Variants in KALRN observed in about 807,000 individuals in gnomAD.
The protein encoded by KALRN is kalirin.
Under a neutral mutation model 353.7 loss-of-function variants are expected in KALRN, and 70 were observed. The observed-to-expected ratio is 0.20, with a 90% CI of 0.16 to 0.24. The LOEUF is 0.24. KALRN is among the 10% of genes least tolerant of loss of function. KALRN has a pLI of 1.00. For missense variants in KALRN, 2,791 were observed against 3,756.7 expected (o/e 0.74, Z 6.72); for synonymous variants, 1,391 against 1,434.8 (o/e 0.97, Z 0.69).
At chr3:124,583,431 C>T (rs2074818270) in intron 34 of KALRN, among the ~76,000 whole-genome samples, 1 of 151,942 alleles carries the variant, frequency 6.6e-6, no homozygotes, top group African/African-American at 2.4e-5. Flanking sequence ...GCAAGCTTGG[C>T]CTTGAAACAT....
rs574076959 is a variant in KALRN at position 124,293,958 on chromosome 3, A to T, written c.970-4833A>T. 2.6e-5 allele frequency among the ~76,000 whole-genome samples: 4 copies of T among 152,246 alleles called. 1 individual carries two copies. In the South Asian group the frequency reaches 8.3e-4, roughly 32 times the overall value. On this transcript the variant is annotated intron_variant, in intron 5 of 59. Transcript: ENST00000682506. ...CATTCATTCATTCATTCATTCAGTGAGTATTGAGAGAACTAGAGCTATTTG... is the reference window on the plus strand; with the variant it reads ...CATTCATTCATTCATTCATTCAGTGTGTATTGAGAGAACTAGAGCTATTTG...
chr3:124,522,299 A>G (rs2067230054), intron 33 of KALRN, among the ~76,000 whole-genome samples: 1 of 151,952 alleles, frequency 6.6e-6, no homozygotes, highest in Admixed American at 6.6e-5. Flanking sequence ...ATATGTACAT[A>G]TACACATACA....
chr3:124,596,043 A>G (rs1044704351), intron 34 of KALRN, among the ~76,000 whole-genome samples: 5 of 152,240 alleles, frequency 3.3e-5, no homozygotes, highest in Non-Finnish European at 7.3e-5. Flanking sequence ...GAATGATTCT[A>G]CAAATAGAAT....
intron 34 of KALRN, among the ~76,000 whole-genome samples, chr3:124,607,464 G>A (rs970661921): frequency 6.6e-6 from 1 of 152,134 alleles, no homozygotes; most frequent in East Asian, 1.9e-4. Context: ...GGGGAGAGAT[G>A]AACTTTTTAC....
chr3:124,693,321 G>A (rs989837163), intron 51 of KALRN, among the ~76,000 whole-genome samples: 4 of 152,158 alleles, frequency 2.6e-5, no homozygotes, highest in Admixed American at 1.3e-4. Context: ...GGTAAAGGGA[G>A]GACATTTGGA....
chr3:124,700,057 C>A (rs775888802), intron 56 of KALRN, 24 bp downstream of exon 56: 7 of 1,611,436 alleles, frequency 4.3e-6, no homozygotes, highest in Non-Finnish European at 5.9e-6. Flanking sequence ...CAGCCCTGGC[C>A]CCCCAGGCAG....
chr3:124,286,983 T>A (rs2075973700), intron 5 of KALRN, among the ~76,000 whole-genome samples: 1 of 152,214 alleles, frequency 6.6e-6, no homozygotes, highest in Non-Finnish European at 1.5e-5. Context: ...AAGAATACAA[T>A]TAAATTACAA....
At chr3:124,378,077 A>G (rs2086832002) in intron 10 of KALRN, among the ~76,000 whole-genome samples, 1 of 152,030 alleles carries the variant, frequency 6.6e-6, no homozygotes, top group Non-Finnish European at 1.5e-5. Flanking sequence ...ATTTAAATCT[A>G]TCACCTTGTT....
chr3:124,316,571 C>G (rs963931788), intron 6 of KALRN, among the ~76,000 whole-genome samples: 4 of 152,240 alleles, frequency 2.6e-5, no homozygotes, highest in Non-Finnish European at 5.9e-5. Context: ...TGCTGCTCCT[C>G]TTTCTGCAGA....
At chr3:124,137,904 G>A (rs1239647855) in intron 1 of KALRN, among the ~76,000 whole-genome samples, 4 of 152,124 alleles carry the variant, frequency 2.6e-5, no homozygotes. Flanking sequence ...GAACAGCATT[G>A]GGATATGGAT....
chr3:124,472,904 T>C (rs892472235), intron 25 of KALRN, among the ~76,000 whole-genome samples: 3 of 152,200 alleles, frequency 2.0e-5, no homozygotes, highest in African/African-American at 7.2e-5. Context: ...CAGAATACTC[T>C]AAAATCACCT....
intron 1 of KALRN, chr3:124,132,840 A>G (rs972870487): frequency 1.9e-5 from 3 of 153,940 alleles, no homozygotes; most frequent in African/African-American, 4.8e-5. Flanking sequence ...GAAGACACAA[A>G]TTCTCCCCTG....
intron 29 of KALRN, among the ~76,000 whole-genome samples, chr3:124,489,715 T>G (rs2062937681): frequency 6.6e-6 from 1 of 152,160 alleles, no homozygotes; most frequent in Non-Finnish European, 1.5e-5. Context: ...CCATGCATGG[T>G]CTGTTTACCA....
rs1177177921 is a variant in KALRN at position 124,268,778 on chromosome 3, G to A, written c.492G>A (p.Leu164=). 1 of 1,614,022 alleles carries A rather than the reference G, an allele frequency of 6.2e-7. No individual in the cohort carries two copies. The highest frequency in any genetic ancestry group is 1.7e-5 in the Admixed American group (1 of 59,996). ...TATCTGTGGAGGGCCTCACAAAGCT[G>A]GTGGACCCCTCCCAGCTGACGGAGG... is the stretch of plus-strand genomic sequence containing the variant. ...SMVSVEGLTK[L]VDPSQLTEEF... Residue 164 remains leucine (L), a synonymous_variant, in exon 5 of 60, where the codon CTG becomes CTA. Coordinates refer to ENST00000682506, the MANE Select transcript of KALRN (RefSeq NM_001388419.1).
Position 124,297,730 on chromosome 3 carries a change from G to T in KALRN, c.970-1061G>T, listed in dbSNP as rs148590809. Among the ~76,000 whole-genome samples the T allele has an allele frequency of 3.3e-5, 5 of 152,348 alleles. No individual in the cohort carries two copies. The East Asian group carries it at 9.6e-4, about 29-fold the overall frequency. On this transcript the variant is annotated intron_variant, in intron 5 of 59. Transcript: ENST00000682506. ...CTTAAACTGGCTTTAATAATAAAGAGGATTTCTTGGCTCAGGTCCAAGGAA... is the reference window on the plus strand; with the variant it reads ...CTTAAACTGGCTTTAATAATAAAGATGATTTCTTGGCTCAGGTCCAAGGAA...
At chr3:124,633,821 A>G (rs1263021616) in intron 35 of KALRN, 31 bp from the exon 36 acceptor site, 15 of 1,590,610 alleles carry the variant, frequency 9.4e-6, no homozygotes, top group Non-Finnish European at 1.1e-5. Flanking sequence ...TTTGTGACAC[A>G]GTAACTAATG....
chr3:124,617,612 A>C (rs896827621), intron 34 of KALRN, among the ~76,000 whole-genome samples: 8 of 152,232 alleles, frequency 5.3e-5, no homozygotes, highest in Non-Finnish European at 1.2e-4. Context: ...AAGGGTTCTT[A>C]TAGGACACTG....
intron 45 of KALRN, among the ~76,000 whole-genome samples, chr3:124,665,954 C>A (rs147485897): frequency 1.8e-3 from 269 of 152,232 alleles, no homozygotes; most frequent in African/African-American, 6.1e-3. Flanking sequence ...TGTGGTCCTG[C>A]CTTCATCACT....
chr3:124,152,147 CA>C, intron 1 of KALRN: 1 of 1,362,474 alleles, frequency 7.3e-7, no homozygotes, highest in Non-Finnish European at 1.0e-6. Context: ...ATCCTTCCTG[CA>C]GATGATGCAA....
Sources: gnomAD v4.1 joint callset for allele counts (sites outside exome capture counted in the v4.1 genomes callset) on GRCh38, gnomAD v4.1.1 for gene constraint, MANE v1.5 for transcripts, NCBI Gene and HGNC (gene_info 2026-07-23, HGNC 2026-07-21) for gene names.